CPT1C: variants seen among roughly 807,000 people sequenced by gnomAD.
CPT1C encodes palmitoyl thioesterase CPT1C.
Under a neutral mutation model 97.3 loss-of-function variants are expected in CPT1C, and 61 were observed. That is an observed-to-expected ratio of 0.63 (90% CI 0.51 to 0.78). CPT1C has a LOEUF of 0.78. Among genes scored for constraint, CPT1C ranks in the 30% least tolerant of loss-of-function variants. CPT1C has a pLI of 0.00. For missense variants in CPT1C, 975 were observed against 1,065.5 expected (o/e 0.92, Z 1.18); for synonymous variants, 469 against 447.2 (o/e 1.05, Z -0.61).
At chr19:49,712,249 C>G (rs999466145) in intron 17 of CPT1C, 1 of 393,412 alleles carries the variant, frequency 2.5e-6, no homozygotes, top group Non-Finnish European at 4.6e-6. Flanking sequence ...AGGGCTGAGG[C>G]AATAGAATCC....
intron 17 of CPT1C, 103 bp from the exon 18 acceptor site, chr19:49,712,633 A>T (rs2083974417): frequency 8.4e-6 from 7 of 835,440 alleles, no homozygotes; most frequent in Non-Finnish European, 1.4e-5. Context: ...GGAGGCCCGG[A>T]TTTACGGGTA....
At chr19:49,704,643 C>G (rs1271270236) in intron 7 of CPT1C, 67 bp from the exon 8 acceptor site, 7 of 1,273,466 alleles carry the variant, frequency 5.5e-6, no homozygotes, top group East Asian at 2.4e-5. Flanking sequence ...GGGGCCTTCC[C>G]TGTCCTACTG....
chr19:49,701,663 C>A (rs751247845), intron 7 of CPT1C, 29 bp downstream of exon 7: 10 of 1,576,896 alleles, frequency 6.3e-6, no homozygotes, highest in Non-Finnish European at 8.6e-6. Flanking sequence ...ACCAACGCCC[C>A]ACCTGAAGGG....
Position 49,700,757 on chromosome 19 carries a change from A to C in CPT1C, c.355A>C (p.Ile119Leu). ...TGCCTCGTGTTTGTGGGGAGCCCTGATCTTCACACTGCACGTGGCCCTGAG... is the reference window on the plus strand; with the variant it reads ...TGCCTCGTGTTTGTGGGGAGCCCTGCTCTTCACACTGCACGTGGCCCTGAG... ...LFASCLWGAL[I>L]FTLHVALRLL... is the part of the protein sequence containing the mutation. Residue 119 changes from isoleucine to leucine, a missense_variant, in exon 5 of 20, where the codon ATC (isoleucine) becomes CTC (leucine). Physicochemically the swap from Ile to Leu is conservative, Grantham distance 5. Coordinates refer to ENST00000598293, the MANE Select transcript of CPT1C (RefSeq NM_001199753.2). 6.2e-7 allele frequency: 1 copy of C among 1,612,972 alleles called. No homozygotes were observed. Among genetic ancestry groups the C allele is most frequent in the South Asian group, 1.1e-5 (1 of 91,072 alleles).
At chr19:49,697,225 A>G in intron 3 of CPT1C, 101 bp from the exon 4 acceptor site, 1 of 1,472,246 alleles carries the variant, frequency 6.8e-7, no homozygotes, top group Non-Finnish European at 9.4e-7. Flanking sequence ...CCTCCAGCTC[A>G]GGGCTCCGCA....
chr19:49,705,802 A>G (rs2083464009), intron 10 of CPT1C, 107 bp from the exon 11 acceptor site: 3 of 1,000,172 alleles, frequency 3.0e-6, no homozygotes, highest in Non-Finnish European at 4.5e-6. Flanking sequence ...GATGATTACT[A>G]GGGTACTTTG....
rs1483404033 is a variant in CPT1C, at chr19:49,711,586, TG to T, written c.1867-219del. 3.0e-5 allele frequency: 17 copies of T among 573,726 alleles called. No individual in the cohort carries two copies. In the Admixed American group the frequency reaches 4.2e-4, roughly 14 times the overall value. The allele number at this position is 573,726 out of a possible 1,614,324, so 35.5% of individuals were successfully genotyped here. ...GGTTCCATGGAAGGAGTTTGGACTC[TG>T]GGGCCAGACACACCTAGGAACCCGC... On this transcript the variant is annotated intron_variant, in intron 16 of 19. Transcript: ENST00000598293.
Position 49,706,224 on chromosome 19 carries a change from C to G in CPT1C, c.1161-7C>G. On this transcript the variant is annotated splice_polypyrimidine_tract_variant and splice_region_variant and intron_variant, in intron 11 of 19. Transcript: ENST00000598293. The surrounding 1 kb of genome is among the most constrained non-coding windows in gnomAD (Gnocchi z 4.8). ...GGATGGACTCAGGCACATCCCGGGC[C>G]CTCCAGGGGCACGTGGGCCCAGGTG... The G allele has an allele frequency of 1.3e-6, 2 of 1,530,606 alleles. No homozygotes were observed. Among genetic ancestry groups the G allele is most frequent in the Non-Finnish European group, 1.8e-6 (2 of 1,140,670 alleles). 94.8% of individuals were successfully genotyped at this position (1,530,606 alleles called of 1,614,324 possible).
rs762953553 is a variant in CPT1C, at chr19:49,704,703, C to T, written c.694-7C>T. On this transcript the variant is annotated splice_region_variant and splice_polypyrimidine_tract_variant and intron_variant, in intron 7 of 19. Transcript: ENST00000598293. ...CCTCACTGTGTGTCTCCCCACCCCG[C>T]TCCCAGGTCAGTGACTGGTGGGAGG... 15 of 1,613,604 alleles carry T rather than the reference C, an allele frequency of 9.3e-6. No homozygotes were observed. The highest frequency in any genetic ancestry group is 1.3e-5 in the Non-Finnish European group (15 of 1,179,652).
rs1031537885 is a variant in CPT1C at position 49,713,208 on chromosome 19, C to A, written c.2226+144C>A. The A allele has an allele frequency of 5.1e-6, 4 of 781,084 alleles. No homozygotes were observed. The African/African-American group carries it at 7.0e-5, about 14-fold the overall frequency. 48.4% of individuals were successfully genotyped at this position (781,084 alleles called of 1,614,324 possible). ...CCAGGAGTCCAGGCCCCCAGCCCCT[C>A]CTCCCTCAGACCCGGGAGTCCAGGC... On this transcript the variant is annotated intron_variant, in intron 19 of 19. Coordinates refer to ENST00000598293, the MANE Select transcript of CPT1C (RefSeq NM_001199753.2).
At position 49,691,335 on chromosome 19, in the gene CPT1C, A is replaced by C. The variant is rs1284669469; in HGVS notation, c.-89A>C. 1 of 152,040 alleles carries C rather than the reference A, an allele frequency of 6.6e-6. No individual in the cohort carries two copies. The highest frequency in any genetic ancestry group is 2.4e-5 in the African/African-American group (1 of 41,390). The allele number at this position is 152,040 out of a possible 1,614,324, so 9.4% of individuals were successfully genotyped here. On this transcript the variant is annotated 5_prime_UTR_variant, in exon 1 of 20. Transcript: ENST00000598293. ...GATCCGATCAGCGGACCCTTGATTC[A>C]ACGTGGTAAGTACTGGACCCCAGGG...
In CPT1C at chr19:49,705,031, C is replaced by A. The variant is rs1362719213; in HGVS notation, c.796C>A (p.Pro266Thr). Residue 266 changes from proline (P) to threonine (T), a missense_variant, in exon 9 of 20, where the codon CCT becomes ACT. Around this residue, in one of 3 missense-constraint regions of CPT1C, gnomAD observed 596 missense variants for 603.1 expected, o/e 0.99. Transcript: ENST00000598293. ...GGACTTCCTGTATGTCACACCCACG[C>A]CTCTGCAGGCAGCTCGCGCTGGGAA... ...MMDFLYVTPT[P>T]LQAARAGNAV... 2 of 1,606,792 alleles carry A rather than the reference C, an allele frequency of 1.2e-6. No individual in the cohort carries two copies. Among genetic ancestry groups the A allele is most frequent in the Non-Finnish European group, 1.7e-6 (2 of 1,174,920 alleles).
rs781440586 is a variant in CPT1C at position 49,701,520 on chromosome 19, C to T, written c.579C>T (p.Ile193=). Residue 193 remains isoleucine, a synonymous_variant, in exon 7 of 20, where the codon ATC becomes ATT. Coordinates refer to ENST00000598293, the MANE Select transcript of CPT1C (RefSeq NM_001199753.2). ...VRKYLESVRP[I]LSDEDFDWTA... is the part of the protein sequence containing the mutation. ...AGTACCTGGAGTCGGTCCGGCCCAT[C>T]CTCTCCGACGAGGACTTCGACTGGA... 1 of 1,611,392 alleles carries T rather than the reference C, an allele frequency of 6.2e-7. No homozygotes were observed. Among genetic ancestry groups the T allele is most frequent in the Non-Finnish European group, 8.5e-7 (1 of 1,178,268 alleles).
intron 4 of CPT1C, chr19:49,697,681 G>A (rs2082745068): frequency 4.1e-6 from 2 of 491,224 alleles, no homozygotes; most frequent in Non-Finnish European, 3.6e-6. Flanking sequence ...GGAGGCTGAG[G>A]TGGGTGTATC....
At chr19:49,703,502 C>A (rs1256373723) in intron 7 of CPT1C, among the ~76,000 whole-genome samples, 3 of 149,730 alleles carry the variant, frequency 2.0e-5, no homozygotes, top group African/African-American at 7.4e-5. Context: ...TGCCCGGCCT[C>A]TTTCTTTCTT....
At position 49,704,583 on chromosome 19, in the gene CPT1C, G is replaced by T. The variant is rs112693283; in HGVS notation, c.694-127G>T. ...TAGGTGATCGCTAGTTACTGACTAC[G>T]ATGGCTGACTTCTTTGGCTCTATCC... On this transcript the variant is annotated intron_variant, in intron 7 of 19. Transcript: ENST00000598293. 3.9e-3 allele frequency: 2,753 copies of T among 703,302 alleles called. 70 individuals are homozygous for T. The African/African-American group carries it at 0.043, about 11-fold the overall frequency. The allele number at this position is 703,302 out of a possible 1,614,324, so 43.6% of individuals were successfully genotyped here.
At position 49,712,166 on chromosome 19, in the gene CPT1C, A is replaced by AGAGTAGAG. The variant is rs1427680955; in HGVS notation, c.2019+205_2019+206insGAGTAGAG. 5.1e-6 allele frequency: 3 copies of AGAGTAGAG among 584,900 alleles called. No homozygotes were observed. In the African/African-American group the frequency reaches 5.6e-5, roughly 11 times the overall value. 36.2% of individuals were successfully genotyped at this position (584,900 alleles called of 1,614,324 possible). A position where few individuals can be genotyped will look rare whatever the true frequency, so the allele number is the denominator to read the frequency against. On this transcript the variant is annotated intron_variant, in intron 17 of 19. Coordinates refer to ENST00000598293, the MANE Select transcript of CPT1C (RefSeq NM_001199753.2). ...GAGACCAGCCTGGCCAACTTGGCGA[A>AGAGTAGAG]ACCCTGTCTCTACTAAAAATACAAA... is the stretch of plus-strand genomic sequence containing the variant.
chr19:49,695,465 A>G (rs1331463717), intron 3 of CPT1C, among the ~76,000 whole-genome samples: 2 of 151,386 alleles, frequency 1.3e-5, no homozygotes, highest in African/African-American at 2.4e-5. Context: ...TTGTATTTTT[A>G]GTATAGACAG....
intron 10 of CPT1C, among the ~76,000 whole-genome samples, chr19:49,705,685 C>G (rs12977028): frequency 0.13 from 19,250 of 152,026 alleles, 1,431 homozygotes; most frequent in Non-Finnish European, 0.17. Context: ...ACCTGAGCCC[C>G]GGAGGTTGAG....
Sources: gnomAD v4.1 joint callset for allele counts (sites outside exome capture counted in the v4.1 genomes callset) on GRCh38, gnomAD v4.1.1 for gene constraint, gnomAD v4.1.1 regional missense constraint, Gnocchi (gnomAD v3.1) non-coding constraint, MANE v1.5 for transcripts, NCBI Gene and HGNC (gene_info 2026-07-23, HGNC 2026-07-21) for gene names.